Variants in USH2A observed in about 807,000 individuals in gnomAD.
The protein encoded by USH2A is usherin.
Under a neutral mutation model 538.9 loss-of-function variants are expected in USH2A, and 443 were observed. That is an observed-to-expected ratio of 0.82 (90% CI 0.76 to 0.89). USH2A has a LOEUF of 0.89. USH2A is among the 40% of genes least tolerant of loss of function. The pLI is 0.00. For synonymous variants in USH2A, 2,413 were observed against 2,273.5 expected, an observed-to-expected ratio of 1.06 and a Z score of -1.75; for missense variants, 6,633 against 6,324.8, an observed-to-expected ratio of 1.05 and a Z score of -1.65.
chr1:216,101,176 T>G (rs185987953), intron 21 of USH2A, among the ~76,000 whole-genome samples: 42 of 152,368 alleles, frequency 2.8e-4, no homozygotes, highest in African/African-American at 1.0e-3. Flanking sequence ...GCCATAGATA[T>G]AGATAAATTC....
At chr1:215,748,176 A>G (rs1482116339) in intron 58 of USH2A, among the ~76,000 whole-genome samples, 3 of 152,094 alleles carry the variant, frequency 2.0e-5, no homozygotes, top group Non-Finnish European at 4.4e-5. Flanking sequence ...TTTGAGACGA[A>G]GTCTTGCTTT....
intron 56 of USH2A, among the ~76,000 whole-genome samples, chr1:215,760,289 G>A (rs1271178468): frequency 6.6e-6 from 1 of 152,022 alleles, no homozygotes; most frequent in Non-Finnish European, 1.5e-5. Context: ...CTATGCCTCT[G>A]GCCTCATTTA....
At chr1:216,244,933 A>G (rs2036007602) in intron 13 of USH2A, among the ~76,000 whole-genome samples, 1 of 152,192 alleles carries the variant, frequency 6.6e-6, no homozygotes, top group Non-Finnish European at 1.5e-5. Flanking sequence ...AGGATATAAC[A>G]TTTGATCTAT....
intron 30 of USH2A, among the ~76,000 whole-genome samples, chr1:216,053,459 T>A (rs1184537972): frequency 6.7e-6 from 1 of 149,552 alleles, no homozygotes; most frequent in Non-Finnish European, 1.5e-5. Context: ...GAAGTCTTTT[T>A]TTTTTTTTTT....
chr1:215,727,943 A>G, intron 61 of USH2A, 87 bp downstream of exon 61: 1 of 1,470,956 alleles, frequency 6.8e-7, no homozygotes, highest in South Asian at 1.1e-5. Flanking sequence ...CCCTAAGTGA[A>G]GAAAAATGAG....
intron 13 of USH2A, among the ~76,000 whole-genome samples, chr1:216,243,711 C>G (rs1424991927): frequency 6.6e-6 from 1 of 152,166 alleles, no homozygotes; most frequent in Non-Finnish European, 1.5e-5. Context: ...AGTCAGTAAG[C>G]TGAAGAAATG....
At chr1:215,745,497 G>T (rs188247675) in intron 58 of USH2A, among the ~76,000 whole-genome samples, 56 of 152,256 alleles carry the variant, frequency 3.7e-4, no homozygotes, top group Middle Eastern at 6.8e-3. Context: ...AATGTCAACC[G>T]TATAAATTAG....
Position 215,941,079 on chromosome 1 carries a change from G to A in USH2A, c.7121-6284C>T, listed in dbSNP as rs1666620541. ...TTTTTCCCCATCAAGCTCTCTCTATGTACCACAGTCAGATTTTCCTAAATG... is the reference window on the plus strand; with the variant it reads ...TTTTTCCCCATCAAGCTCTCTCTATATACCACAGTCAGATTTTCCTAAATG... On this transcript the variant is annotated intron_variant, in intron 37 of 71. Coordinates refer to ENST00000307340, the MANE Select transcript of USH2A (RefSeq NM_206933.4). Among the ~76,000 whole-genome samples the A allele has an allele frequency of 2.6e-5, 4 of 151,894 alleles. 1 individual carries two copies. The highest frequency in any genetic ancestry group is 2.6e-4 in the Admixed American group (4 of 15,242).
intron 63 of USH2A, among the ~76,000 whole-genome samples, chr1:215,671,974 G>A (rs989235769): frequency 1.3e-5 from 2 of 152,112 alleles, no homozygotes; most frequent in African/African-American, 4.8e-5. Flanking sequence ...ACCTTGCGGG[G>A]CCAAAGTTAA....
chr1:215,879,240 C>T, intron 41 of USH2A, 142 bp from the exon 42 acceptor site: 3 of 728,786 alleles, frequency 4.1e-6, no homozygotes, highest in Non-Finnish European at 4.8e-6. Flanking sequence ...TTGGACTAGA[C>T]AGTAATGAAG....
At chr1:216,214,023 G>C (rs1215318553) in intron 15 of USH2A, among the ~76,000 whole-genome samples, 1 of 152,022 alleles carries the variant, frequency 6.6e-6, no homozygotes, top group African/African-American at 2.4e-5. Flanking sequence ...TCACTGAATG[G>C]CTATAATGAA....
chr1:215,900,790 C>T lies in USH2A; in HGVS notation c.7416G>A (p.Gln2472=), dbSNP rs145783712. Residue 2472 remains glutamine (Q), a synonymous_variant, in exon 39 of 72, where the codon CAG becomes CAA. Transcript: ENST00000307340. ...NAPGSPRYQL[Q]MRSGDSTHGF... ...CATGGGTGGAGTCGCCAGACCTCAT[C>T]TGGAGTTGGTATCTGGGAGAGCCAG... 4.2e-5 allele frequency: 67 copies of T among 1,613,724 alleles called. No homozygotes were observed. The African/African-American group carries it at 6.9e-4, about 17-fold the overall frequency.
At chr1:215,630,485 T>C (rs1264615254) in intron 70 of USH2A, among the ~76,000 whole-genome samples, 4 of 9,006 alleles carry the variant, frequency 4.4e-4, no homozygotes, top group Non-Finnish European at 1.5e-3. Flanking sequence ...TGTGTGTGTA[T>C]ATATATATAT....
At chr1:216,092,337 G>A (rs1333720754) in intron 22 of USH2A, among the ~76,000 whole-genome samples, 1 of 152,140 alleles carries the variant, frequency 6.6e-6, no homozygotes, top group East Asian at 1.9e-4. Flanking sequence ...AATTACTTGT[G>A]TGATGAGTAT....
rs144338431 is a variant in USH2A, at chr1:215,665,260, C to T, written c.14133+5712G>A. On this transcript the variant is annotated intron_variant, in intron 64 of 71. Transcript: ENST00000307340. ...AGCAGACTGCCATTCTGCATGGGCTCCTGCAGCACTAGCCCTAAGTTCAGA... is the reference window on the plus strand; with the variant it reads ...AGCAGACTGCCATTCTGCATGGGCTTCTGCAGCACTAGCCCTAAGTTCAGA... Among the ~76,000 whole-genome samples the T allele has an allele frequency of 1.4e-4, 21 of 152,302 alleles. No homozygotes were observed. In the East Asian group the frequency reaches 1.9e-3, roughly 14 times the overall value.
chr1:215,697,968 C>T (rs992369716), intron 61 of USH2A, among the ~76,000 whole-genome samples: 1 of 152,088 alleles, frequency 6.6e-6, no homozygotes, highest in African/African-American at 2.4e-5. Flanking sequence ...CTAATGTTAC[C>T]CCTCCTCTTT....
intron 19 of USH2A, among the ~76,000 whole-genome samples, chr1:216,194,848 G>A (rs2034802122): frequency 6.6e-6 from 1 of 152,098 alleles, no homozygotes; most frequent in Admixed American, 6.6e-5. Flanking sequence ...GTATCCCAGA[G>A]GCGGAAAGGG....
chr1:216,217,619 A>T, intron 14 of USH2A, 69 bp from the exon 15 acceptor site: 1 of 1,564,606 alleles, frequency 6.4e-7, no homozygotes, highest in Non-Finnish European at 8.7e-7. Context: ...TATAAGTTAC[A>T]CCTACCAATA....
intron 70 of USH2A, among the ~76,000 whole-genome samples, chr1:215,633,677 G>T (rs1346948142): frequency 6.6e-6 from 1 of 152,192 alleles, no homozygotes; most frequent in Non-Finnish European, 1.5e-5. Context: ...TCCTCAGGGA[G>T]ACGTAGCCCT....
Sources: allele counts gnomAD v4.1 joint callset (sites outside exome capture counted in the v4.1 genomes callset), GRCh38; gene constraint gnomAD v4.1.1; transcripts MANE v1.5; gene names NCBI Gene and HGNC (gene_info 2026-07-23, HGNC 2026-07-21).